Variants in TUBA1C observed in about 807,000 individuals in gnomAD.
The protein encoded by TUBA1C is tubulin alpha-1C chain.
In TUBA1C, 16 loss-of-function variants were observed where a neutral mutation model predicts 34.9. The observed-to-expected ratio is 0.46, with a 90% CI of 0.31 to 0.70. The LOEUF is 0.70. TUBA1C is among the 30% of genes least tolerant of loss of function. The pLI is 0.05. For synonymous variants in TUBA1C, 177 were observed against 215.9 expected, an observed-to-expected ratio of 0.82 and a Z score of 1.58; for missense variants, 329 against 587.3, an observed-to-expected ratio of 0.56 and a Z score of 4.55.
At chr12:49,271,519 C>CT (rs1267336133) in intron 3 of TUBA1C, among the ~76,000 whole-genome samples, 3 of 152,178 alleles carry the variant, frequency 2.0e-5, no homozygotes, top group South Asian at 2.1e-4. Flanking sequence ...ATGCTGAGTA[C>CT]TTACTTAATT....
upstream of TUBA1C, among the ~76,000 whole-genome samples, chr12:49,261,765 C>T (rs1251631957): frequency 6.6e-6 from 1 of 152,098 alleles, no homozygotes; most frequent in African/African-American, 2.4e-5. Flanking sequence ...TATCTGAATT[C>T]TTTTCTCTTT....
intron 1 of TUBA1C, among the ~76,000 whole-genome samples, chr12:49,228,459 C>T (rs1592269914): frequency 6.6e-6 from 1 of 152,208 alleles, no homozygotes; most frequent in South Asian, 2.1e-4. Flanking sequence ...TTTAAATGGC[C>T]TCCCTGATTT....
chr12:49,273,125 C>A lies in TUBA1C; in HGVS notation c.1248C>A (p.Gly416=). 6.2e-7 allele frequency: 1 copy of A among 1,614,086 alleles called. No homozygotes were observed. Among genetic ancestry groups the A allele is most frequent in the East Asian group, 2.2e-5 (1 of 44,882 alleles). ...HWYVGEGMEE[G]EFSEAREDMA... is the part of the protein sequence containing the mutation. ...ACGTGGGTGAGGGGATGGAGGAAGG[C>A]GAGTTTTCAGAGGCCCGTGAGGACA... The change falls in exon 4 of 4, where the codon GGC becomes GGA. Residue 416 remains glycine, a synonymous_variant. Coordinates refer to ENST00000301072, the MANE Select transcript of TUBA1C (RefSeq NM_032704.5).
Position 49,273,392 on chromosome 12 carries a change from T to A in TUBA1C, c.*165T>A, listed in dbSNP as rs1943022776. ...AAGTTGGATGTATGAGGCTGGTAGA[T>A]GAAACCACCTGAGTCGAGGGTCTTG... On this transcript the variant is annotated 3_prime_UTR_variant, in exon 4 of 4. Coordinates refer to ENST00000301072, the MANE Select transcript of TUBA1C (RefSeq NM_032704.5). The A allele has an allele frequency of 7.9e-7, 1 of 1,268,712 alleles. No individual in the cohort carries two copies. Among genetic ancestry groups the A allele is most frequent in the African/African-American group, 1.5e-5 (1 of 67,724 alleles). The allele number at this position is 1,268,712 out of a possible 1,614,324, so 78.6% of individuals were successfully genotyped here. A position where few individuals can be genotyped will look rare whatever the true frequency, so the allele number is the denominator to read the frequency against.
At chr12:49,255,554 T>C (rs1173626872) in intron 1 of TUBA1C, among the ~76,000 whole-genome samples, 2 of 151,700 alleles carry the variant, frequency 1.3e-5, no homozygotes, top group African/African-American at 4.8e-5. Context: ...ACCTGGTAGA[T>C]TCGTCTTTTC....
intron 1 of TUBA1C, among the ~76,000 whole-genome samples, chr12:49,257,432 A>G (rs2137008155): frequency 6.6e-6 from 1 of 152,246 alleles, no homozygotes; most frequent in African/African-American, 2.4e-5. Context: ...TACTGGTACT[A>G]GCAGTGGAGG....
In TUBA1C at chr12:49,273,583, T is replaced by G; in HGVS notation, c.*356T>G. The G allele has an allele frequency of 2.9e-6, 1 of 350,442 alleles. No homozygotes were observed. Among genetic ancestry groups the G allele is most frequent in the Non-Finnish European group, 5.5e-6 (1 of 181,826 alleles). 21.7% of individuals were successfully genotyped at this position (350,442 alleles called of 1,614,324 possible). The stretch of plus-strand genomic sequence containing the variant: ...TTTTATTTCTTGTAGAGATGGGGCC[T>G]TGCTATGCTGCCCAGGGTGGTCTTC... On this transcript the variant is annotated 3_prime_UTR_variant, in exon 4 of 4. Transcript: ENST00000301072.
intron 1 of TUBA1C, among the ~76,000 whole-genome samples, chr12:49,234,713 C>G (rs1942533134): frequency 1.3e-5 from 2 of 152,264 alleles, no homozygotes; most frequent in Non-Finnish European, 2.9e-5. Context: ...TTAGAAGCGG[C>G]CTTTCTTCAC....
upstream of TUBA1C, among the ~76,000 whole-genome samples, chr12:49,263,011 A>C (rs1942856117): frequency 6.6e-6 from 1 of 151,120 alleles, no homozygotes; most frequent in Non-Finnish European, 1.5e-5. Flanking sequence ...TTTAAAGTAC[A>C]AGAGAATTAC....
intron 1 of TUBA1C, among the ~76,000 whole-genome samples, chr12:49,245,440 A>G (rs1942657116): frequency 6.6e-6 from 1 of 152,134 alleles, no homozygotes. Flanking sequence ...CATCTTCACA[A>G]AAAATAAAAA....
chr12:49,268,097 G>C (rs953011337), intron 1 of TUBA1C, among the ~76,000 whole-genome samples: 1 of 151,760 alleles, frequency 6.6e-6, no homozygotes, highest in Non-Finnish European at 1.5e-5. Context: ...ATGAGAGAGA[G>C]ACACACACAC....
intron 1 of TUBA1C, among the ~76,000 whole-genome samples, chr12:49,239,186 C>A (rs1037099864): frequency 1.1e-4 from 17 of 152,138 alleles, no homozygotes; most frequent in African/African-American, 3.6e-4. Flanking sequence ...CTTTATTACT[C>A]AAGCTTTTCC....
intron 1 of TUBA1C, among the ~76,000 whole-genome samples, chr12:49,245,868 A>G (rs1942661914): frequency 6.6e-6 from 1 of 152,192 alleles, no homozygotes; most frequent in South Asian, 2.1e-4. Context: ...ACACATTTAC[A>G]GCAGATAACA....
intron 2 of TUBA1C, 41 bp from the exon 3 acceptor site, chr12:49,269,787 G>C (rs373715461): frequency 6.2e-7 from 1 of 1,610,884 alleles, no homozygotes; most frequent in Non-Finnish European, 8.5e-7. Flanking sequence ...CTCCCTCCCC[G>C]CTCCTTGTCC....
At chr12:49,238,512 G>A (rs1028808810) in intron 1 of TUBA1C, among the ~76,000 whole-genome samples, 5 of 152,120 alleles carry the variant, frequency 3.3e-5, no homozygotes, top group East Asian at 1.9e-4. Flanking sequence ...TGCTGATTGC[G>A]AGCCCCAGGT....
chr12:49,262,217 C>T (rs148803406), upstream of TUBA1C, among the ~76,000 whole-genome samples: 3 of 151,070 alleles, frequency 2.0e-5, no homozygotes, highest in Non-Finnish European at 3.0e-5. Flanking sequence ...GAGTTCAAAA[C>T]CAGCCTGGGA....
chr12:49,229,401 G>A (rs1942471915), intron 1 of TUBA1C, among the ~76,000 whole-genome samples: 3 of 152,194 alleles, frequency 2.0e-5, no homozygotes, highest in Admixed American at 6.5e-5. Context: ...TTGAACTCCT[G>A]ACCTCAGGTG....
intron 1 of TUBA1C, among the ~76,000 whole-genome samples, chr12:49,246,404 G>A (rs1051303356): frequency 1.3e-5 from 2 of 152,240 alleles, no homozygotes; most frequent in Admixed American, 6.5e-5. Context: ...ACTTGGCCGG[G>A]CGCGGTGGCT....
intron 1 of TUBA1C, among the ~76,000 whole-genome samples, chr12:49,253,739 G>A (rs1000830079): frequency 7.2e-5 from 11 of 152,110 alleles, no homozygotes; most frequent in African/African-American, 2.7e-4. Flanking sequence ...TGTCGTCCAA[G>A]CTGGTCTTGA....
Sources: allele counts gnomAD v4.1 joint callset (sites outside exome capture counted in the v4.1 genomes callset), GRCh38; gene constraint gnomAD v4.1.1; transcripts MANE v1.5; gene names NCBI Gene and HGNC (gene_info 2026-07-23, HGNC 2026-07-21).